The following TPRN variants were observed in gnomAD, a reference collection of about 807,000 sequenced individuals.
TPRN encodes taperin, also known as chromosome 9 open reading frame 75.
In TPRN, 32 loss-of-function variants were observed where a neutral mutation model predicts 42.6. The observed-to-expected ratio is 0.75, with a 90% CI of 0.57 to 1.01. The LOEUF (loss-of-function observed/expected upper bound fraction) is 1.01. Ranked by LOEUF, TPRN falls within the 50% of genes least tolerant of loss-of-function variation. The pLI, the probability that TPRN is intolerant of heterozygous loss-of-function variation, is 0.00. For missense variants in TPRN, 1,095 were observed against 957.5 expected (o/e 1.14, Z -1.90); for synonymous variants, 541 against 445.6 (o/e 1.21, Z -2.70).
At position 137,192,670 on chromosome 9, in the gene TPRN, T is replaced by G. The variant is rs779820140; in HGVS notation, c.1747A>C (p.Lys583Gln). ...RKKMKISFND[K>Q]SLQTTFEYPS... Reference sequence around the variant, plus strand: ...TACTCAAATGTGGTCTGCAGGCTTTTGTCGTTGAAGGAGATCTTCATCTGG... The same window carrying G: ...TACTCAAATGTGGTCTGCAGGCTTTGGTCGTTGAAGGAGATCTTCATCTGG... Residue 583 changes from lysine (K) to glutamine (Q), a missense_variant, in exon 2 of 4, where the codon AAA (lysine) becomes CAA (glutamine). Coordinates refer to ENST00000409012, the MANE Select transcript of TPRN (RefSeq NM_001128228.3). 1.2e-6 allele frequency: 2 copies of G among 1,613,776 alleles called. No homozygotes were observed. The highest frequency in any genetic ancestry group is 1.7e-6 in the Non-Finnish European group (2 of 1,179,988).
At chr9:137,197,384 G>C (rs775169204) in intron 1 of TPRN, among the ~76,000 whole-genome samples, 4 of 152,074 alleles carry the variant, frequency 2.6e-5, no homozygotes, top group Non-Finnish European at 4.4e-5. Context: ...TACAAGGTGT[G>C]AGCCACCGCG....
In TPRN at chr9:137,192,288, C is replaced by T; in HGVS notation, c.2044G>A (p.Glu682Lys). Residue 682 changes from glutamate to lysine, a missense_variant, in exon 3 of 4, where the codon GAG becomes AAG. Physicochemically the swap from Glu to Lys is moderately conservative, Grantham distance 56. Coordinates refer to ENST00000409012, the MANE Select transcript of TPRN (RefSeq NM_001128228.3). ...GCCTCCACGGGCGGGGGCTCTGCCT[C>T]CCTCGGGGCCTGCTCCAGCGCCTGC... is the stretch of plus-strand genomic sequence containing the variant. ...QEQALEQAPR[E>K]AEPPPVEAML... 2 of 1,613,014 alleles carry T rather than the reference C, an allele frequency of 1.2e-6. No homozygotes were observed. Among genetic ancestry groups the T allele is most frequent in the Non-Finnish European group, 1.7e-6 (2 of 1,180,022 alleles).
Position 137,199,007 on chromosome 9 carries a change from C to T in TPRN, c.1705G>A (p.Ala569Thr). ...CTGACCTTCTTTCTTGAGGAGCCAGCCTTGGTGAGGCAGGACTTCTGCAGG... is the reference window on the plus strand; with the variant it reads ...CTGACCTTCTTTCTTGAGGAGCCAGTCTTGGTGAGGCAGGACTTCTGCAGG... ...LALQKSCLTK[A>T]GSSRKKMKIS... Residue 569 changes from alanine to threonine, a missense_variant, in exon 1 of 4, where the codon GCT becomes ACT. Ala to Thr is a moderately conservative substitution (Grantham distance 58, BLOSUM62 0). Transcript: ENST00000409012. 4 of 1,613,044 alleles carry T rather than the reference C, an allele frequency of 2.5e-6. No homozygotes were observed. The highest frequency in any genetic ancestry group is 3.4e-6 in the Non-Finnish European group (4 of 1,179,996).
intron 1 of TPRN, among the ~76,000 whole-genome samples, chr9:137,196,778 C>T (rs747487665): frequency 3.4e-4 from 51 of 152,214 alleles, no homozygotes; most frequent in Non-Finnish European, 5.9e-4. Context: ...GGCAGCCCCA[C>T]GCCTCTGTCC....
intron 1 of TPRN, among the ~76,000 whole-genome samples, chr9:137,195,547 A>G (rs528782054): frequency 3.3e-5 from 5 of 152,332 alleles, no homozygotes; most frequent in African/African-American, 1.2e-4. Flanking sequence ...AGGTGGTGTC[A>G]GTAGGAAGGG....
intron 1 of TPRN, 105 bp downstream of exon 1, chr9:137,198,882 T>C: frequency 6.3e-7 from 1 of 1,589,788 alleles, no homozygotes; most frequent in Non-Finnish European, 8.5e-7. Context: ...GAAACCATCC[T>C]TTGCCCAGGC....
At position 137,200,368 on chromosome 9, in the gene TPRN, G is replaced by A; in HGVS notation, c.344C>T (p.Ala115Val). 3.7e-6 allele frequency: 4 copies of A among 1,071,994 alleles called. No individual in the cohort carries two copies. The South Asian group carries it at 9.7e-5, about 26-fold the overall frequency. The allele number at this position is 1,071,994 out of a possible 1,614,324, so 66.4% of individuals were successfully genotyped here. A position where few individuals can be genotyped will look rare whatever the true frequency, so the allele number is the denominator to read the frequency against. Reference sequence around the variant, plus strand: ...CACCTCGGCGGCGCGGATCTGCGCGGCCCCCGGGGCGGGCGGCGCGGGCGG... The same window carrying A: ...CACCTCGGCGGCGCGGATCTGCGCGACCCCCGGGGCGGGCGGCGCGGGCGG... ...GFPPAPPAPGAAQIRAAEVLV... is the reference protein window; with the variant it reads ...GFPPAPPAPGVAQIRAAEVLV... Residue 115 changes from alanine to valine, a missense_variant, in exon 1 of 4, where the codon GCC (alanine) becomes GTC (valine). Coordinates refer to ENST00000409012, the MANE Select transcript of TPRN (RefSeq NM_001128228.3). This position sits in a 1 kb window ranked among gnomAD's most constrained non-coding sequence, Gnocchi z 4.3.
At chr9:137,198,362 C>A (rs766352887) in intron 1 of TPRN, among the ~76,000 whole-genome samples, 1 of 152,214 alleles carries the variant, frequency 6.6e-6, no homozygotes, top group Non-Finnish European at 1.5e-5. Context: ...TCAGAGCCTC[C>A]GAAGGCCCCT....
At chr9:137,194,174 G>A (rs1834673943) in intron 1 of TPRN, 1 of 152,360 alleles carries the variant, frequency 6.6e-6, no homozygotes, top group South Asian at 2.1e-4. Flanking sequence ...GACAAAACAA[G>A]GAGGAAAGCA....
In TPRN at chr9:137,199,913, T is replaced by G; in HGVS notation, c.799A>C (p.Thr267Pro). ...GGTGAGGCTGGAGTGGCACTCGGGGTCCCGGGGCTGGGGGGCGGGTGGAGG... is the reference window on the plus strand; with the variant it reads ...GGTGAGGCTGGAGTGGCACTCGGGGGCCCGGGGCTGGGGGGCGGGTGGAGG... ...PSLHPPPSPGTPSATPASPPA... is the reference protein window; with the variant it reads ...PSLHPPPSPGPPSATPASPPA... The change falls in exon 1 of 4, where the codon ACC becomes CCC. Residue 267 changes from threonine (T) to proline (P), a missense_variant. By Grantham distance (38) the Thr-to-Pro change is conservative (BLOSUM62 -1). Coordinates refer to ENST00000409012, the MANE Select transcript of TPRN (RefSeq NM_001128228.3). 1.2e-5 allele frequency: 5 copies of G among 409,022 alleles called. No homozygotes were observed. The highest frequency in any genetic ancestry group is 3.9e-5 in the South Asian group (1 of 25,852). 25.3% of individuals were successfully genotyped at this position (409,022 alleles called of 1,614,324 possible). A position where few individuals can be genotyped will look rare whatever the true frequency, so the allele number is the denominator to read the frequency against.
At position 137,192,621 on chromosome 9, in the gene TPRN, T is replaced by C; in HGVS notation, c.1796A>G (p.Gln599Arg). Residue 599 changes from glutamine (Q) to arginine (R), a missense_variant, in exon 2 of 4, where the codon CAG (glutamine) becomes CGG (arginine). Gln to Arg is a conservative substitution (Grantham distance 43). Transcript: ENST00000409012. ...FEYPSESSLEQEEEVDQQEEE... is the reference protein window; with the variant it reads ...FEYPSESSLEREEEVDQQEEE... Reference sequence around the variant, plus strand: ...CTCCTGCTGGTCCACCTCTTCCTCCTGCTCTAGGGAGCTCTCGGAAGGGTA... The same window carrying C: ...CTCCTGCTGGTCCACCTCTTCCTCCCGCTCTAGGGAGCTCTCGGAAGGGTA... 1 of 1,613,868 alleles carries C rather than the reference T, an allele frequency of 6.2e-7. No homozygotes were observed. The highest frequency in any genetic ancestry group is 1.1e-5 in the South Asian group (1 of 91,086).
In TPRN at chr9:137,199,879, C is replaced by T; in HGVS notation, c.833G>A (p.Ser278Asn). 7.7e-7 allele frequency: 1 copy of T among 1,290,800 alleles called. No homozygotes were observed. 80.0% of individuals were successfully genotyped at this position (1,290,800 alleles called of 1,614,324 possible). The change falls in exon 1 of 4, where the codon AGT becomes AAT. Residue 278 changes from serine to asparagine, a missense_variant. Transcript: ENST00000409012. ...PSATPASPPA[S>N]ATPSQRQCVS... ...GCACTGGCGCTGGCTAGGAGTGGCACTGGCAGGGGGTGAGGCTGGAGTGGC... is the reference window on the plus strand; with the variant it reads ...GCACTGGCGCTGGCTAGGAGTGGCATTGGCAGGGGGTGAGGCTGGAGTGGC...
Position 137,199,655 on chromosome 9 carries a change from G to A in TPRN, c.1057C>T (p.Leu353=), listed in dbSNP as rs1474362544. Residue 353 remains leucine (L), a synonymous_variant, in exon 1 of 4, where the codon CTG becomes TTG. Coordinates refer to ENST00000409012, the MANE Select transcript of TPRN (RefSeq NM_001128228.3). ...GCCGGGCCCAGGTCTCCCTTTGGCAGCTCCACGGACTGCCTCCCCTCAGGA... is the reference window on the plus strand; with the variant it reads ...GCCGGGCCCAGGTCTCCCTTTGGCAACTCCACGGACTGCCTCCCCTCAGGA... ...PPPEGRQSVE[L]PKGDLGPASP... is the part of the protein sequence containing the mutation. 3 of 1,581,400 alleles carry A rather than the reference G, an allele frequency of 1.9e-6. No individual in the cohort carries two copies. Among genetic ancestry groups the A allele is most frequent in the Non-Finnish European group, 2.6e-6 (3 of 1,164,508 alleles).
Position 137,191,730 on chromosome 9 carries a change from A to G in TPRN, c.*382T>C. Reference sequence around the variant, plus strand: ...GCTTAGGGTCCTGCAGAGGACAAGTAGCTGGGACAGCCCTTCACCCCGACA... The same window carrying G: ...GCTTAGGGTCCTGCAGAGGACAAGTGGCTGGGACAGCCCTTCACCCCGACA... On this transcript the variant is annotated 3_prime_UTR_variant, in exon 4 of 4. Transcript: ENST00000409012. The G allele has an allele frequency of 2.6e-6, 1 of 377,790 alleles. No individual in the cohort carries two copies. The highest frequency in any genetic ancestry group is 5.1e-6 in the Non-Finnish European group (1 of 195,280). 23.4% of individuals were successfully genotyped at this position (377,790 alleles called of 1,614,324 possible). A position where few individuals can be genotyped will look rare whatever the true frequency, so the allele number is the denominator to read the frequency against.
chr9:137,193,802 G>T (rs1834665992), intron 1 of TPRN: 1 of 152,516 alleles, frequency 6.6e-6, no homozygotes, highest in South Asian at 2.1e-4. Context: ...CCGGGCCCCA[G>T]GCAGAGAACC....
rs757308882 is a variant in TPRN, at chr9:137,192,274, C to G, written c.2058G>C (p.Pro686=). ...LEQAPREAEP[P]PVEAMLTPAS... ...CGCATCTCACCATGGCCTCCACGGG[C>G]GGGGGCTCTGCCTCCCTCGGGGCCT... The change falls in exon 3 of 4, where the codon CCG becomes CCC. Residue 686 remains proline (P), a synonymous_variant. Coordinates refer to ENST00000409012, the MANE Select transcript of TPRN (RefSeq NM_001128228.3). 3.1e-6 allele frequency: 5 copies of G among 1,613,036 alleles called. No individual in the cohort carries two copies. Among genetic ancestry groups the G allele is most frequent in the Non-Finnish European group, 4.2e-6 (5 of 1,180,006 alleles).
chr9:137,200,497 C>T lies in TPRN; in HGVS notation c.215G>A (p.Gly72Glu). The T allele has an allele frequency of 1.7e-6, 2 of 1,145,978 alleles. No homozygotes were observed. The highest frequency in any genetic ancestry group is 2.8e-5 in the South Asian group (1 of 36,108). The allele number at this position is 1,145,978 out of a possible 1,614,324, so 71.0% of individuals were successfully genotyped here. ...CAGCAGCCGCGCCCCCGCCGCGCCCCCGCCGCGCCGCCGCTCGGCCTCCAG... is the reference window on the plus strand; with the variant it reads ...CAGCAGCCGCGCCCCCGCCGCGCCCTCGCCGCGCCGCCGCTCGGCCTCCAG... ...MLLEAERRRG[G>E]GAAGARLLER... The change falls in exon 1 of 4, where the codon GGG becomes GAG. Residue 72 changes from glycine (G) to glutamate (E), a missense_variant. Coordinates refer to ENST00000409012, the MANE Select transcript of TPRN (RefSeq NM_001128228.3). The surrounding 1 kb of genome is among the most constrained non-coding windows in gnomAD (Gnocchi z 4.3).
At chr9:137,195,552 G>A (rs557561141) in intron 1 of TPRN, among the ~76,000 whole-genome samples, 45 of 152,256 alleles carry the variant, frequency 3.0e-4, no homozygotes, top group Middle Eastern at 3.2e-3. Flanking sequence ...GTGTCAGTAG[G>A]AAGGGCAGAT....
At chr9:137,195,340 C>T (rs893164386) in intron 1 of TPRN, among the ~76,000 whole-genome samples, 5 of 152,246 alleles carry the variant, frequency 3.3e-5, no homozygotes, top group African/African-American at 7.2e-5. Flanking sequence ...GCGTCCAGGC[C>T]GCTCCTGGGG....
Sources: gnomAD v4.1 joint callset for allele counts (sites outside exome capture counted in the v4.1 genomes callset) on GRCh38, gnomAD v4.1.1 for gene constraint, Gnocchi (gnomAD v3.1) non-coding constraint, MANE v1.5 for transcripts, NCBI Gene and HGNC (gene_info 2026-07-23, HGNC 2026-07-21) for gene names.